SYNE1: variants seen among roughly 807,000 people sequenced by gnomAD.
SYNE1 encodes spectrin repeat containing nuclear envelope protein 1, also known as nesprin-1.
A neutral mutation model predicts 1,111.0 loss-of-function variants in SYNE1; 616 were observed. That is an observed-to-expected ratio of 0.55 (90% CI 0.52 to 0.59). SYNE1 has a LOEUF of 0.59. Ranked by LOEUF, SYNE1 falls within the 20% of genes least tolerant of loss-of-function variation. The probability of loss-of-function intolerance (pLI) is 0.00; values close to 1 mark genes in which losing one functional copy is unlikely to be tolerated. For missense variants in SYNE1, 10,006 were observed against 10,417.0 expected, an observed-to-expected ratio of 0.96 and a Z score of 1.72; for synonymous variants, 3,855 against 3,825.8, an observed-to-expected ratio of 1.01 and a Z score of -0.28.
At chr6:152,356,936 G>T (rs1364932306) in intron 66 of SYNE1, among the ~76,000 whole-genome samples, 3 of 152,144 alleles carry the variant, frequency 2.0e-5, no homozygotes, top group African/African-American at 7.2e-5. Flanking sequence ...AAAAGCACAG[G>T]GAGCTCAGCA....
At chr6:152,426,373 A>C (rs1392706108) in intron 38 of SYNE1, among the ~76,000 whole-genome samples, 4 of 152,238 alleles carry the variant, frequency 2.6e-5, no homozygotes, top group Non-Finnish European at 5.9e-5. Flanking sequence ...ATAAAGCAGA[A>C]CTGCGACTTA....
At chr6:152,620,596 T>C (rs1373906718) in intron 3 of SYNE1, among the ~76,000 whole-genome samples, 1 of 152,124 alleles carries the variant, frequency 6.6e-6, no homozygotes, top group African/African-American at 2.4e-5. Context: ...TTTTTTTCTC[T>C]TATACACCAA....
chr6:152,426,869 G>A (rs371485208), intron 38 of SYNE1, among the ~76,000 whole-genome samples: 3 of 152,222 alleles, frequency 2.0e-5, no homozygotes, highest in East Asian at 3.8e-4. Context: ...CACAGATTCC[G>A]ATGCTATAGA....
Position 152,268,117 on chromosome 6 carries a change from C to A in SYNE1, c.18754G>T (p.Ala6252Ser). 1 of 1,614,122 alleles carries A rather than the reference C, an allele frequency of 6.2e-7. No homozygotes were observed. The highest frequency in any genetic ancestry group is 8.5e-7 in the Non-Finnish European group (1 of 1,179,996). ...AEQKSLLRSVASRGEEILIQH... is the reference protein window; with the variant it reads ...AEQKSLLRSVSSRGEEILIQH... ...ATTAGAATCTCCTCTCCACGACTGG[C>A]TACTGAGCGAAGGAGACTCTTCTGC... Residue 6252 changes from alanine to serine, a missense_variant, in exon 100 of 146, where the codon GCC (alanine) becomes TCC (serine). Transcript: ENST00000367255.
intron 101 of SYNE1, among the ~76,000 whole-genome samples, chr6:152,259,954 A>G (rs1159856182): frequency 6.6e-6 from 1 of 152,160 alleles, no homozygotes; most frequent in Middle Eastern, 3.2e-3. Flanking sequence ...CAGTCCAGGT[A>G]TTGTGGAATG....
rs746589347 is a variant in SYNE1, at chr6:152,391,272, T to C, written c.8004+5A>G. The C allele has an allele frequency of 8.7e-6, 14 of 1,613,950 alleles. No individual in the cohort carries two copies. The highest frequency in any genetic ancestry group is 1.0e-5 in the Non-Finnish European group (12 of 1,179,980). On this transcript the variant is annotated splice_donor_5th_base_variant and intron_variant, in intron 52 of 145. Coordinates refer to ENST00000367255, the MANE Select transcript of SYNE1 (RefSeq NM_182961.4). ...TTGTCAGTGTCTGGCTGGTGTCGCA[T>C]GTACCTGTATTTGTGACAGCCGTTT...
chr6:152,249,628 T>C (rs931089470), intron 104 of SYNE1, among the ~76,000 whole-genome samples: 5 of 152,194 alleles, frequency 3.3e-5, no homozygotes, highest in African/African-American at 1.2e-4. Flanking sequence ...ATAGGTGTTA[T>C]CCTGATTTGG....
At chr6:152,490,881 C>A (rs1486399090) in intron 11 of SYNE1, among the ~76,000 whole-genome samples, 2 of 152,180 alleles carry the variant, frequency 1.3e-5, no homozygotes, top group Admixed American at 6.5e-5. Flanking sequence ...AATTTCAAAT[C>A]GGGCAAGCGG....
chr6:152,381,500 T>A, intron 55 of SYNE1, 138 bp from the exon 56 acceptor site: 1 of 844,598 alleles, frequency 1.2e-6, no homozygotes, highest in Admixed American at 1.8e-5. Flanking sequence ...AATCAATTCA[T>A]CTGTCCACTC....
chr6:152,366,064 T>C (rs2097071396), intron 62 of SYNE1, among the ~76,000 whole-genome samples: 1 of 152,158 alleles, frequency 6.6e-6, no homozygotes, highest in South Asian at 2.1e-4. Flanking sequence ...CCGGACGCGG[T>C]GGCTCACCCT....
intron 131 of SYNE1, among the ~76,000 whole-genome samples, chr6:152,160,067 C>T (rs1051533834): frequency 6.6e-6 from 1 of 151,882 alleles, no homozygotes; most frequent in African/African-American, 2.4e-5. Context: ...AGTACAGTGG[C>T]GCGATCTCCG....
intron 87 of SYNE1, 34 bp from the exon 88 acceptor site, chr6:152,310,907 G>A (rs750991554): frequency 9.4e-6 from 15 of 1,600,032 alleles, no homozygotes; most frequent in African/African-American, 6.7e-5. Context: ...TGACATTGAC[G>A]GGCAGGTAGA....
intron 133 of SYNE1, among the ~76,000 whole-genome samples, chr6:152,154,445 TACACACACACACAC>T (rs56398921): frequency 2.7e-4 from 38 of 143,278 alleles, no homozygotes; most frequent in African/African-American, 8.7e-4. Flanking sequence ...TTTTATCAAA[TACACACACACACAC>T]ACACACACAC....
intron 3 of SYNE1, among the ~76,000 whole-genome samples, chr6:152,597,235 T>C (rs1032697734): frequency 2.7e-4 from 41 of 152,306 alleles, no homozygotes; most frequent in African/African-American, 9.9e-4. Flanking sequence ...ACGTGCATCT[T>C]ACAGTAACTA....
chr6:152,427,783 C>A lies in SYNE1; in HGVS notation c.5010G>T (p.Trp1670Cys), dbSNP rs373448917. The A allele has an allele frequency of 1.2e-6, 2 of 1,613,950 alleles. No homozygotes were observed. The highest frequency in any genetic ancestry group is 2.7e-5 in the African/African-American group (2 of 74,908). ...TGGCTTTAGCTTCACCCCGCTCTAA[C>A]CAGGTCAAAAAGGATGATAGTTCTT... ...LEKELSSFLT[W>C]LERGEAKASS... Residue 1670 changes from tryptophan (W) to cysteine (C), a missense_variant, in exon 38 of 146, where the codon TGG becomes TGT. Trp to Cys is a radical substitution (Grantham distance 215, BLOSUM62 -2). Around this residue, in one of 7 missense-constraint regions of SYNE1, gnomAD observed 1,971 missense variants for 2,084.1 expected, o/e 0.95. Transcript: ENST00000367255.
intron 108 of SYNE1, among the ~76,000 whole-genome samples, chr6:152,238,110 A>T (rs1262465502): frequency 4.0e-5 from 6 of 148,360 alleles, no homozygotes; most frequent in Admixed American, 2.0e-4. Flanking sequence ...AATAAGTTGT[A>T]TGGTATAATA....
intron 69 of SYNE1, 95 bp downstream of exon 69, chr6:152,353,167 TG>T: frequency 6.7e-7 from 1 of 1,484,224 alleles, no homozygotes; most frequent in Non-Finnish European, 9.4e-7. Context: ...TCATAATGGT[TG>T]GGATGATCAC....
At chr6:152,224,103 T>G (rs1297865156) in intron 117 of SYNE1, among the ~76,000 whole-genome samples, 1 of 152,240 alleles carries the variant, frequency 6.6e-6, no homozygotes, top group Non-Finnish European at 1.5e-5. Context: ...TTACCACTTT[T>G]GCCGTTTTTC....
chr6:152,598,416 G>T (rs1464676317), intron 3 of SYNE1, among the ~76,000 whole-genome samples: 1 of 152,010 alleles, frequency 6.6e-6, no homozygotes, highest in South Asian at 2.1e-4. Context: ...CCCTGTCTAG[G>T]GTATGTCTTT....
Sources: allele counts gnomAD v4.1 joint callset (sites outside exome capture counted in the v4.1 genomes callset), GRCh38; gene constraint gnomAD v4.1.1; regional missense constraint gnomAD v4.1.1; transcripts MANE v1.5; gene names NCBI Gene and HGNC (gene_info 2026-07-23, HGNC 2026-07-21).